CFAP100: variants seen among roughly 807,000 people sequenced by gnomAD.
CFAP100 encodes the protein cilia and flagella associated protein 100.
Under a neutral mutation model 81.5 loss-of-function variants are expected in CFAP100, and 70 were observed. The observed-to-expected ratio is 0.86, with a 90% CI of 0.71 to 1.05. The LOEUF (loss-of-function observed/expected upper bound fraction) is 1.05, where lower values mean the gene tolerates loss of function less well. Among genes scored for constraint, CFAP100 ranks in the 50% least tolerant of loss-of-function variants. The pLI is 0.00. For missense variants in CFAP100, 811 were observed against 776.5 expected (o/e 1.04, Z -0.53); for synonymous variants, 341 against 314.8 (o/e 1.08, Z -0.88).
At chr3:126,429,465 CTA>C (rs376639815) in intron 13 of CFAP100, among the ~76,000 whole-genome samples, 90 of 152,156 alleles carry the variant, frequency 5.9e-4, no homozygotes, top group African/African-American at 2.0e-3. Context: ...TCTATTTTGT[CTA>C]TATTACTGCT....
intron 15 of CFAP100, 101 bp downstream of exon 15, chr3:126,434,482 C>G: frequency 2.6e-6 from 3 of 1,135,372 alleles, no homozygotes; most frequent in Non-Finnish European, 3.8e-6. Context: ...AGGAGACAGG[C>G]CCCTCCTGCT....
intron 2 of CFAP100, among the ~76,000 whole-genome samples, chr3:126,397,550 G>A (rs925206216): frequency 6.6e-6 from 1 of 152,240 alleles, no homozygotes; most frequent in Non-Finnish European, 1.5e-5. Context: ...GGAGTGCCTA[G>A]TTGGGGTACC....
At chr3:126,403,181 G>A (rs1423351194) in intron 2 of CFAP100, among the ~76,000 whole-genome samples, 1 of 151,994 alleles carries the variant, frequency 6.6e-6, no homozygotes, top group Middle Eastern at 3.2e-3. Context: ...GTGGATGGAG[G>A]CCCAGAGGTC....
intron 8 of CFAP100, among the ~76,000 whole-genome samples, chr3:126,419,410 C>T (rs147237631): frequency 8.1e-4 from 123 of 152,322 alleles, no homozygotes; most frequent in Admixed American, 1.4e-3. Context: ...GAGAGAGGTG[C>T]GGTCTCCAGG....
intron 13 of CFAP100, among the ~76,000 whole-genome samples, chr3:126,431,121 G>A (rs527478329): frequency 6.6e-6 from 1 of 152,334 alleles, no homozygotes; most frequent in Admixed American, 6.5e-5. Context: ...GTGTTGGCTG[G>A]TGGGGTCTGT....
intron 2 of CFAP100, among the ~76,000 whole-genome samples, chr3:126,406,941 G>A (rs1007044499): frequency 6.6e-6 from 1 of 152,242 alleles, no homozygotes; most frequent in East Asian, 1.9e-4. Context: ...CAAAACATCC[G>A]TGCACCAGGC....
intron 1 of CFAP100, chr3:126,395,482 C>A (rs2107576663): frequency 6.5e-6 from 1 of 153,046 alleles, no homozygotes; most frequent in East Asian, 1.9e-4. Flanking sequence ...TCATGGAGCT[C>A]ACATTTTAGG....
chr3:126,434,245 G>T lies in CFAP100; in HGVS notation c.1492G>T (p.Glu498Ter), dbSNP rs1576651251. Residue 498 changes from glutamate to a stop codon, truncating the protein, a stop_gained, in exon 15 of 17, where the codon GAG becomes TAG. Transcript: ENST00000352312. LOFTEE classifies it high-confidence loss of function. ...CCGGCACTGCACCGGCACCCAGCAGGAGGCCAACCTGGGCACCGTGCAGAT... is the reference window on the plus strand; with the variant it reads ...CCGGCACTGCACCGGCACCCAGCAGTAGGCCAACCTGGGCACCGTGCAGAT... ...VYRHCTGTQQ[E>*]ANLGTVQMLT... The T allele has an allele frequency of 1.2e-6, 2 of 1,613,994 alleles. No homozygotes were observed.
rs1181071218 is a variant in CFAP100 at position 126,435,352 on chromosome 3, GTCC to G, written c.1629-201_1629-199del. On this transcript the variant is annotated intron_variant, in intron 15 of 16. Transcript: ENST00000352312. ...GCCTCGGAGCAGCAGGGCCCTGGTT[GTCC>G]TCCTCTGGGCCTAGGCCACCTTGGC... 7.0e-4 allele frequency among the ~76,000 whole-genome samples: 107 copies of G among 152,266 alleles called. 1 individual carries two copies. Among genetic ancestry groups the G allele is most frequent in the Non-Finnish European group, 2.6e-4 (18 of 68,010 alleles).
In CFAP100 at chr3:126,420,184, A is replaced by AG; in HGVS notation, c.1038dup (p.Gln347AlafsTer110). 1 of 1,612,806 alleles carries AG rather than the reference A, an allele frequency of 6.2e-7. No homozygotes were observed. Among genetic ancestry groups the AG allele is most frequent in the Non-Finnish European group, 8.5e-7 (1 of 1,180,002 alleles). The stretch of plus-strand genomic sequence containing the variant: ...AGCCCGTCTTACCTGAGCAGCCCCC[A>AG]GCAAGGCAGCCAGCCCAGCGAGTCC... On this transcript the variant is annotated frameshift_variant, in exon 11 of 17. Coordinates refer to ENST00000352312, the MANE Select transcript of CFAP100 (RefSeq NM_182628.3). LOFTEE classifies it high-confidence loss of function.
At chr3:126,434,691 T>C in intron 15 of CFAP100, 1 of 318,044 alleles carries the variant, frequency 3.1e-6, no homozygotes, top group Non-Finnish European at 5.9e-6. Context: ...CAGCCTCAAA[T>C]ACATGGAACA....
intron 5 of CFAP100, among the ~76,000 whole-genome samples, chr3:126,417,647 G>A (rs558936449): frequency 6.6e-6 from 1 of 152,342 alleles, no homozygotes; most frequent in East Asian, 1.9e-4. Context: ...GCGGGACTAT[G>A]ACTCCCAGAG....
intron 13 of CFAP100, among the ~76,000 whole-genome samples, chr3:126,431,497 C>T (rs929911246): frequency 1.3e-5 from 2 of 152,144 alleles, no homozygotes; most frequent in Non-Finnish European, 2.9e-5. Context: ...ACTATTCTCT[C>T]ACTCTCTATG....
intron 3 of CFAP100, among the ~76,000 whole-genome samples, chr3:126,410,829 T>G (rs1342321967): frequency 6.6e-6 from 1 of 152,248 alleles, no homozygotes; most frequent in Non-Finnish European, 1.5e-5. Context: ...ATATCTGTAT[T>G]TATTTCCTAT....
intron 2 of CFAP100, among the ~76,000 whole-genome samples, 172 bp downstream of exon 2, chr3:126,396,221 C>G (rs2082886697): frequency 6.6e-6 from 1 of 152,194 alleles, no homozygotes; most frequent in South Asian, 2.1e-4. Context: ...TGTAACAAAG[C>G]ACCACCACAA....
rs761438533 is a variant in CFAP100, at chr3:126,416,447, C to T, written c.357C>T (p.Ala119=). ...AGCAGGAGGACCTGGAGGCGCGCGCCGAGGCCGAGCATCAGCGCGCCTTCC... is the reference window on the plus strand; with the variant it reads ...AGCAGGAGGACCTGGAGGCGCGCGCTGAGGCCGAGCATCAGCGCGCCTTCC... ...EDKQEDLEAR[A]EAEHQRAFRD... The change falls in exon 5 of 17, where the codon GCC becomes GCT. Residue 119 remains alanine (A), a synonymous_variant. Transcript: ENST00000352312. 1.9e-6 allele frequency: 3 copies of T among 1,610,058 alleles called. No individual in the cohort carries two copies. The highest frequency in any genetic ancestry group is 4.5e-5 in the East Asian group (2 of 44,764).
intron 3 of CFAP100, 131 bp from the exon 4 acceptor site, chr3:126,413,954 G>T: frequency 1.4e-6 from 1 of 696,200 alleles, no homozygotes; most frequent in East Asian, 2.5e-5. Flanking sequence ...GGCACAGCTG[G>T]ATCCAGGGGG....
chr3:126,416,276 G>A, intron 4 of CFAP100, 40 bp from the exon 5 acceptor site: 6 of 1,514,694 alleles, frequency 4.0e-6, no homozygotes, highest in Non-Finnish European at 5.4e-6. Flanking sequence ...GACGCGGGTG[G>A]GGAGCCTGGG....
chr3:126,403,245 G>A (rs887105735), intron 2 of CFAP100, among the ~76,000 whole-genome samples: 1 of 152,164 alleles, frequency 6.6e-6, no homozygotes, highest in African/African-American at 2.4e-5. Flanking sequence ...GGCTGGAACT[G>A]AAGCCATGGG....
Sources: allele counts gnomAD v4.1 joint callset (sites outside exome capture counted in the v4.1 genomes callset), GRCh38; gene constraint gnomAD v4.1.1; transcripts MANE v1.5; gene names NCBI Gene and HGNC (gene_info 2026-07-23, HGNC 2026-07-21).